The following STK32B variants were observed in gnomAD, a reference collection of about 807,000 sequenced individuals.
The protein encoded by STK32B is serine/threonine-protein kinase 32B.
STK32B carries 43 observed loss-of-function variants against 52.6 expected under a neutral mutation model. The observed-to-expected ratio is 0.82, with a 90% CI of 0.64 to 1.05. STK32B has a LOEUF of 1.05. Among genes scored for constraint, STK32B ranks in the 50% least tolerant of loss-of-function variants. The pLI is 0.00. For synonymous variants in STK32B, 238 were observed against 204.3 expected, an observed-to-expected ratio of 1.17 and a Z score of -1.41; for missense variants, 621 against 534.6, an observed-to-expected ratio of 1.16 and a Z score of -1.59.
chr4:5,324,378 G>A (rs1437484643), intron 3 of STK32B, among the ~76,000 whole-genome samples: 1 of 151,772 alleles, frequency 6.6e-6, no homozygotes. Context: ...AGAAAATAAG[G>A]CACTTAGAAC....
chr4:5,222,980 G>C (rs1035217322), intron 3 of STK32B, among the ~76,000 whole-genome samples: 1 of 152,220 alleles, frequency 6.6e-6, no homozygotes, highest in Non-Finnish European at 1.5e-5. Flanking sequence ...GAGTGCCAGG[G>C]CCTTGAGGCA....
chr4:5,244,320 G>A (rs1200039352), intron 3 of STK32B, among the ~76,000 whole-genome samples: 1 of 152,054 alleles, frequency 6.6e-6, no homozygotes, highest in Non-Finnish European at 1.5e-5. Flanking sequence ...TGTATGTGTT[G>A]AGGAATTTAT....
chr4:5,173,640 C>G (rs180721371), intron 3 of STK32B, among the ~76,000 whole-genome samples: 117 of 152,250 alleles, frequency 7.7e-4, no homozygotes, highest in South Asian at 7.5e-3. Flanking sequence ...ATCCTGAGTT[C>G]TAGTTTGATT....
chr4:5,309,181 C>A (rs1485869225), intron 3 of STK32B, among the ~76,000 whole-genome samples: 3 of 151,818 alleles, frequency 2.0e-5, no homozygotes, highest in African/African-American at 7.3e-5. Context: ...ATAAATTTAA[C>A]CAAGGAGGTG....
At chr4:5,162,781 G>T (rs1718545521) in intron 2 of STK32B, among the ~76,000 whole-genome samples, 1 of 152,206 alleles carries the variant, frequency 6.6e-6, no homozygotes, top group African/African-American at 2.4e-5. Flanking sequence ...CTTAGGCGAG[G>T]TGCCACTTGA....
intron 2 of STK32B, among the ~76,000 whole-genome samples, chr4:5,151,873 T>A: frequency 6.6e-6 from 1 of 152,192 alleles, no homozygotes; most frequent in East Asian, 1.9e-4. Context: ...GATCCCTTTT[T>A]CTTATTATAA....
chr4:5,195,511 G>A (rs944814440), intron 3 of STK32B, among the ~76,000 whole-genome samples: 1 of 152,098 alleles, frequency 6.6e-6, no homozygotes, highest in Non-Finnish European at 1.5e-5. Flanking sequence ...TGGCTAACAT[G>A]GTGGAATCCT....
intron 3 of STK32B, among the ~76,000 whole-genome samples, chr4:5,267,108 TG>T (rs1221569780): frequency 8.1e-6 from 1 of 122,884 alleles, no homozygotes; most frequent in Non-Finnish European, 1.7e-5. Flanking sequence ...TGGAGGACAT[TG>T]TACTAAAAAT....
chr4:5,348,784 A>G (rs1193135657), intron 4 of STK32B, among the ~76,000 whole-genome samples: 1 of 152,174 alleles, frequency 6.6e-6, no homozygotes, highest in Non-Finnish European at 1.5e-5. Flanking sequence ...GGGCCTGAGG[A>G]CAGTTTTGCC....
In STK32B at chr4:5,386,873, G is replaced by A. The variant is rs113806247; in HGVS notation, c.435-11334G>A. Among the ~76,000 whole-genome samples, 2,146 of 152,266 alleles carry A rather than the reference G, an allele frequency of 0.014. 55 individuals carry two copies. Among genetic ancestry groups the A allele is most frequent in the African/African-American group, 0.048 (2,014 of 41,546 alleles). Reference sequence around the variant, plus strand: ...TTGATACGAACTTGAGATCTTTCCCGCATTGTCCTCAGAAAGCTGGATGAG... The same window carrying A: ...TTGATACGAACTTGAGATCTTTCCCACATTGTCCTCAGAAAGCTGGATGAG... On this transcript the variant is annotated intron_variant, in intron 4 of 11. Transcript: ENST00000282908. This position sits in a 1 kb window ranked among gnomAD's most constrained non-coding sequence, Gnocchi z 4.5.
At chr4:5,316,238 T>A (rs1339544598) in intron 3 of STK32B, among the ~76,000 whole-genome samples, 9 of 61,788 alleles carry the variant, frequency 1.5e-4, no homozygotes, top group African/African-American at 9.2e-4. Flanking sequence ...TATACAATAT[T>A]ATATATTGTA....
intron 1 of STK32B, among the ~76,000 whole-genome samples, chr4:5,133,109 C>CT (rs1424733925): frequency 1.3e-5 from 2 of 152,216 alleles, no homozygotes; most frequent in Non-Finnish European, 2.9e-5. Context: ...GAATTTACCA[C>CT]TTTCTGCCAT....
intron 1 of STK32B, among the ~76,000 whole-genome samples, chr4:5,057,768 A>G (rs375782358): frequency 9.9e-5 from 15 of 152,236 alleles, no homozygotes; most frequent in African/African-American, 3.4e-4. Context: ...TATTCTTAGC[A>G]TTACACCATT....
intron 3 of STK32B, among the ~76,000 whole-genome samples, chr4:5,287,376 T>C (rs559758923): frequency 6.6e-6 from 1 of 150,778 alleles, no homozygotes; most frequent in Non-Finnish European, 1.5e-5. Flanking sequence ...GCTGAACACC[T>C]CTTTATATAT....
chr4:5,183,612 A>T (rs1353510908), intron 3 of STK32B, among the ~76,000 whole-genome samples: 3 of 152,252 alleles, frequency 2.0e-5, no homozygotes, highest in African/African-American at 7.2e-5. Flanking sequence ...TGAGTGGAGC[A>T]TTCAGAACAC....
intron 3 of STK32B, among the ~76,000 whole-genome samples, chr4:5,187,982 C>T (rs1323010658): frequency 1.3e-5 from 2 of 152,166 alleles, no homozygotes; most frequent in African/African-American, 2.4e-5. Context: ...TAGGTGTGTA[C>T]CCCTTGAAAG....
chr4:5,475,251 T>C (rs1259910374), intron 11 of STK32B, among the ~76,000 whole-genome samples: 1 of 148,176 alleles, frequency 6.7e-6, no homozygotes, highest in African/African-American at 2.5e-5. Context: ...GAAACCCCCA[T>C]CTATACTAAA....
At chr4:5,317,178 ATATATATATATAACATATATATAT>A (rs1328279080) in intron 3 of STK32B, among the ~76,000 whole-genome samples, 7 of 39,088 alleles carry the variant, frequency 1.8e-4, no homozygotes, top group East Asian at 2.1e-3. Context: ...ATAACATATA[ATATATATATATAACATATATATAT>A]TATATATATA....
At chr4:5,438,667 A>G (rs1181390454) in intron 6 of STK32B, among the ~76,000 whole-genome samples, 1 of 152,174 alleles carries the variant, frequency 6.6e-6, no homozygotes, top group Non-Finnish European at 1.5e-5. Flanking sequence ...TTAGTTACAT[A>G]TGTATACATG....
Sources: gnomAD v4.1 joint callset for allele counts (sites outside exome capture counted in the v4.1 genomes callset) on GRCh38, gnomAD v4.1.1 for gene constraint, Gnocchi (gnomAD v3.1) non-coding constraint, MANE v1.5 for transcripts, NCBI Gene and HGNC (gene_info 2026-07-23, HGNC 2026-07-21) for gene names.